The following NR3C2 variants were observed in gnomAD, a reference collection of about 807,000 sequenced individuals.
NR3C2 encodes the protein mineralocorticoid receptor.
In NR3C2, 15 loss-of-function variants were observed where a neutral mutation model predicts 86.4. That is an observed-to-expected ratio of 0.17 (90% CI 0.12 to 0.27). The LOEUF is 0.27. Ranked by LOEUF, NR3C2 falls within the 10% of genes least tolerant of loss-of-function variation. The probability of loss-of-function intolerance (pLI) is 1.00; values close to 1 mark genes in which losing one functional copy is unlikely to be tolerated. For synonymous variants in NR3C2, 458 were observed against 450.5 expected (o/e 1.02, Z -0.21); for missense variants, 960 against 1,195.6 (o/e 0.80, Z 2.91).
At chr4:148,319,798 A>C (rs1245575936) in intron 2 of NR3C2, among the ~76,000 whole-genome samples, 1 of 149,486 alleles carries the variant, frequency 6.7e-6, no homozygotes, top group African/African-American at 2.6e-5. Flanking sequence ...GGGTTTTTCT[A>C]GATATACAAT....
intron 2 of NR3C2, among the ~76,000 whole-genome samples, chr4:148,296,044 C>CAAAAAAA (rs529710200): frequency 0.02 from 1,448 of 73,628 alleles, 73 homozygotes; most frequent in African/African-American, 0.038. Flanking sequence ...GAGCTGAGGC[C>CAAAAAAA]AAAAAAAAAA....
intron 3 of NR3C2, among the ~76,000 whole-genome samples, chr4:148,226,186 T>C (rs1250016329): frequency 6.6e-6 from 1 of 152,192 alleles, no homozygotes; most frequent in Non-Finnish European, 1.5e-5. Flanking sequence ...GGGCCTTTTG[T>C]TTAACTGAGG....
intron 2 of NR3C2, among the ~76,000 whole-genome samples, chr4:148,411,106 G>A (rs1266401786): frequency 1.3e-5 from 2 of 151,978 alleles, no homozygotes; most frequent in Non-Finnish European, 2.9e-5. Flanking sequence ...ATTTTGGCTG[G>A]TTGCATCAAC....
chr4:148,433,422 A>C (rs1443648264), intron 2 of NR3C2, among the ~76,000 whole-genome samples: 1 of 152,206 alleles, frequency 6.6e-6, no homozygotes, highest in Admixed American at 6.5e-5. Context: ...AAATATTTTA[A>C]GTATTTCTTT....
intron 2 of NR3C2, among the ~76,000 whole-genome samples, chr4:148,393,984 T>C (rs144057156): frequency 1.2e-4 from 18 of 152,346 alleles, no homozygotes; most frequent in African/African-American, 4.3e-4. Context: ...ACTGTGTGTG[T>C]CCAGAGACTG....
In NR3C2 at chr4:148,080,864, TA is replaced by T. The variant is rs537452184; in HGVS notation, c.*479del. ...TTATTACACAACAGGAATCTGTATATATTTTTTTATTATTTTTTTGTGTTTT... is the reference window on the plus strand; with the variant it reads ...TTATTACACAACAGGAATCTGTATATTTTTTTTATTATTTTTTTGTGTTTT... On this transcript the variant is annotated 3_prime_UTR_variant, in exon 9 of 9. Coordinates refer to ENST00000358102, the MANE Select transcript of NR3C2 (RefSeq NM_000901.5). The T allele has an allele frequency of 9.4e-4, 305 of 324,488 alleles. 1 individual carries two copies. Among genetic ancestry groups the T allele is most frequent in the South Asian group, 5.9e-3 (299 of 50,258 alleles). The allele number at this position is 324,488 out of a possible 1,614,324, so 20.1% of individuals were successfully genotyped here.
chr4:148,444,706 T>C (rs1485126733), upstream of NR3C2: 5 of 984,968 alleles, frequency 5.1e-6, no homozygotes, highest in East Asian at 1.1e-4. Flanking sequence ...AATAGTGCTG[T>C]TACCCTACAA....
chr4:148,262,190 T>C (rs1183267547), intron 2 of NR3C2, among the ~76,000 whole-genome samples: 8 of 152,196 alleles, frequency 5.3e-5, no homozygotes, highest in Non-Finnish European at 1.0e-4. Context: ...AATTGCTTTT[T>C]CACAACTATA....
At chr4:148,083,947 A>C (rs1162552088) in intron 8 of NR3C2, among the ~76,000 whole-genome samples, 1 of 152,200 alleles carries the variant, frequency 6.6e-6, no homozygotes, top group African/African-American at 2.4e-5. Context: ...ACTCAAAGGA[A>C]TAAAGCAAGA....
At chr4:148,139,498 C>A (rs1733511209) in intron 6 of NR3C2, among the ~76,000 whole-genome samples, 1 of 152,192 alleles carries the variant, frequency 6.6e-6, no homozygotes, top group Non-Finnish European at 1.5e-5. Flanking sequence ...TAAGTGGAGA[C>A]TGACATACAG....
At chr4:148,365,740 C>A (rs897785429) in intron 2 of NR3C2, among the ~76,000 whole-genome samples, 1 of 87,316 alleles carries the variant, frequency 1.1e-5, no homozygotes, top group African/African-American at 4.8e-5. Flanking sequence ...CTATTAGCAG[C>A]AAAGTCACAG....
upstream of NR3C2, chr4:148,443,008 G>C (rs1560742533): frequency 1.0e-6 from 1 of 984,192 alleles, no homozygotes. Context: ...GTCCGCGCGC[G>C]GGGAGGACTC....
intron 2 of NR3C2, among the ~76,000 whole-genome samples, chr4:148,394,991 A>G (rs1747788461): frequency 6.6e-6 from 1 of 152,140 alleles, no homozygotes; most frequent in Admixed American, 6.5e-5. Context: ...TGGGGGAAAC[A>G]GTCCAGGATT....
chr4:148,163,904 T>C (rs1347777761), intron 4 of NR3C2, among the ~76,000 whole-genome samples: 2 of 152,202 alleles, frequency 1.3e-5, no homozygotes, highest in Admixed American at 1.3e-4. Context: ...AGTGACTTAT[T>C]GTAATGACAT....
At chr4:148,355,423 C>A (rs1240781312) in intron 2 of NR3C2, among the ~76,000 whole-genome samples, 1 of 152,198 alleles carries the variant, frequency 6.6e-6, no homozygotes, top group Non-Finnish European at 1.5e-5. Context: ...CCAGAAGCCG[C>A]TACCCTACTC....
At chr4:148,231,499 A>G (rs1738459083) in intron 3 of NR3C2, among the ~76,000 whole-genome samples, 1 of 150,196 alleles carries the variant, frequency 6.7e-6, no homozygotes, top group South Asian at 2.1e-4. Context: ...TGCATCAAAA[A>G]AAATCTACAC....
intron 2 of NR3C2, among the ~76,000 whole-genome samples, chr4:148,306,588 C>A (rs60565904): frequency 0.17 from 25,145 of 152,200 alleles, 2,658 homozygotes; most frequent in Non-Finnish European, 0.22. Context: ...AAGTTTGAAT[C>A]CCCCTGTGGG....
chr4:148,128,582 C>T (rs1732862220), intron 6 of NR3C2, among the ~76,000 whole-genome samples: 1 of 152,222 alleles, frequency 6.6e-6, no homozygotes, highest in Admixed American at 6.5e-5. Context: ...GCTCTTCCAT[C>T]TTCCACTGTC....
At chr4:148,297,613 G>A (rs1416825149) in intron 2 of NR3C2, among the ~76,000 whole-genome samples, 1 of 152,030 alleles carries the variant, frequency 6.6e-6, no homozygotes, top group Non-Finnish European at 1.5e-5. Context: ...TACAAAAGTA[G>A]ACAGGTGTAG....
Sources: allele counts gnomAD v4.1 joint callset (sites outside exome capture counted in the v4.1 genomes callset), GRCh38; gene constraint gnomAD v4.1.1; transcripts MANE v1.5; gene names NCBI Gene and HGNC (gene_info 2026-07-23, HGNC 2026-07-21).